Variants in XKR6 observed in about 807,000 individuals in gnomAD.
XKR6 encodes the protein XK related 6, also known as XK-related protein 6.
In XKR6, 22 loss-of-function variants were observed where a neutral mutation model predicts 56.7. The observed-to-expected ratio is 0.39, with a 90% CI of 0.28 to 0.55. The LOEUF (loss-of-function observed/expected upper bound fraction) is 0.55. Among genes scored for constraint, XKR6 ranks in the 20% least tolerant of loss-of-function variants. XKR6 has a pLI of 0.66. For synonymous variants in XKR6, 524 were observed against 387.8 expected (o/e 1.35, Z -4.13); for missense variants, 852 against 889.0 (o/e 0.96, Z 0.53).
chr8:11,137,430 C>A (rs1225068902), intron 1 of XKR6: 2 of 366,184 alleles, frequency 5.5e-6, no homozygotes, highest in Non-Finnish European at 1.1e-5. Context: ...GAAATTCTCC[C>A]TCAAACGTGG....
rs1799901389 is a variant in XKR6 at position 10,897,016 on chromosome 8, T to A, written c.*936A>T. 1 of 152,650 alleles carries A rather than the reference T, an allele frequency of 6.6e-6. No individual in the cohort carries two copies. Among genetic ancestry groups the A allele is most frequent in the African/African-American group, 2.4e-5 (1 of 41,444 alleles). The allele number at this position is 152,650 out of a possible 1,614,324, so 9.5% of individuals were successfully genotyped here. ...TTATTACTGACTATGTGTACAGAAA[T>A]CTCCTTTAATTTGCTTTAGAATATC... is the stretch of plus-strand genomic sequence containing the variant. On this transcript the variant is annotated 3_prime_UTR_variant, in exon 3 of 3. Coordinates refer to ENST00000416569, the MANE Select transcript of XKR6 (RefSeq NM_173683.4).
intron 1 of XKR6, among the ~76,000 whole-genome samples, chr8:11,111,433 T>C (rs1798885995): frequency 6.6e-6 from 1 of 152,186 alleles, no homozygotes; most frequent in African/African-American, 2.4e-5. Context: ...TTGCATATTC[T>C]AATACAGGCC....
Position 10,898,305 on chromosome 8 carries a change from C to T in XKR6, c.1573G>A (p.Asp525Asn), listed in dbSNP as rs748823161. The T allele has an allele frequency of 1.4e-5, 23 of 1,613,908 alleles. No homozygotes were observed. The highest frequency in any genetic ancestry group is 9.9e-5 in the South Asian group (9 of 91,070). Residue 525 changes from aspartate to asparagine, a missense_variant, in exon 3 of 3, where the codon GAT (aspartate) becomes AAT (asparagine). Asp to Asn is a conservative substitution (Grantham distance 23). Coordinates refer to ENST00000416569, the MANE Select transcript of XKR6 (RefSeq NM_173683.4). The surrounding 1 kb of genome is among the most constrained non-coding windows in gnomAD (Gnocchi z 6.6). ...ELLWGIPLPP[D>N]VEPMAPEIPG... ...ATCTCAGGCGCCATGGGCTCAACAT[C>T]GGGGGGCAAAGGGATGCCCCAGAGC...
At chr8:10,991,851 C>A (rs1162937941) in intron 1 of XKR6, among the ~76,000 whole-genome samples, 1 of 152,186 alleles carries the variant, frequency 6.6e-6, no homozygotes, top group South Asian at 2.1e-4. Context: ...TTGTCTCAAA[C>A]ACTGTTCTTC....
intron 1 of XKR6, among the ~76,000 whole-genome samples, chr8:10,945,432 C>T (rs569931416): frequency 1.1e-4 from 16 of 152,152 alleles, no homozygotes; most frequent in East Asian, 9.7e-4. Flanking sequence ...TGGAATGAGC[C>T]GAGATGGCGC....
At chr8:10,931,488 G>A (rs1026189732) in intron 1 of XKR6, among the ~76,000 whole-genome samples, 11 of 152,034 alleles carry the variant, frequency 7.2e-5, no homozygotes, top group Non-Finnish European at 1.3e-4. Context: ...TAAATTTGAA[G>A]AACTCACACT....
chr8:11,064,433 G>C (rs550882913), intron 1 of XKR6, among the ~76,000 whole-genome samples: 1 of 130,238 alleles, frequency 7.7e-6, no homozygotes, highest in East Asian at 2.0e-4. Context: ...ATCCGTTATC[G>C]TGCCAAGAGG....
At chr8:11,081,159 G>A (rs1184312048) in intron 1 of XKR6, among the ~76,000 whole-genome samples, 2 of 152,208 alleles carry the variant, frequency 1.3e-5, no homozygotes, top group Non-Finnish European at 2.9e-5. Context: ...TCTGAGAAAA[G>A]TAAGGATACT....
At chr8:11,025,299 C>G (rs1268761945) in intron 1 of XKR6, among the ~76,000 whole-genome samples, 1 of 152,218 alleles carries the variant, frequency 6.6e-6, no homozygotes, top group Non-Finnish European at 1.5e-5. Context: ...CTGTGCCTTT[C>G]AACACATTTT....
In XKR6 at chr8:11,027,536, C is replaced by G. The variant is rs73662678; in HGVS notation, c.765-102706G>C. The stretch of plus-strand genomic sequence containing the variant: ...ATGCTACAAAGTAGGCATTCACCCC[C>G]ATTTTACAGTCAAGCTAATTGAGGC... On this transcript the variant is annotated intron_variant, in intron 1 of 2. Transcript: ENST00000416569. Among the ~76,000 whole-genome samples, 674 of 152,324 alleles carry G rather than the reference C, an allele frequency of 4.4e-3. 10 individuals are homozygous for G. Among genetic ancestry groups the G allele is most frequent in the African/African-American group, 0.015 (630 of 41,572 alleles).
Position 11,200,498 on chromosome 8 carries a change from G to C in XKR6, c.764+78C>G, listed in dbSNP as rs1003959195. ...GCCCCCCGCGCTGGGCCCTTTCGAG[G>C]GGCCGCCCCGCGAAGCACCGGGAGG... On this transcript the variant is annotated intron_variant, in intron 1 of 2. Transcript: ENST00000416569. The surrounding 1 kb of genome is among the most constrained non-coding windows in gnomAD (Gnocchi z 6.4). 7.3e-6 allele frequency: 10 copies of C among 1,362,866 alleles called. No individual in the cohort carries two copies. The African/African-American group carries it at 1.4e-4, about 19-fold the overall frequency. 84.4% of individuals were successfully genotyped at this position (1,362,866 alleles called of 1,614,324 possible).
chr8:11,055,784 C>T (rs993102209), intron 1 of XKR6, among the ~76,000 whole-genome samples: 3 of 151,380 alleles, frequency 2.0e-5, no homozygotes, highest in South Asian at 2.1e-4. Flanking sequence ...CAGCGGGCCC[C>T]GAAGTCCACT....
chr8:10,976,858 A>C (rs555932320), intron 1 of XKR6, among the ~76,000 whole-genome samples: 3 of 152,128 alleles, frequency 2.0e-5, no homozygotes, highest in African/African-American at 7.2e-5. Flanking sequence ...CCCTGAAAGA[A>C]AACATCTGGC....
chr8:11,001,755 G>T (rs1224589916), intron 1 of XKR6, among the ~76,000 whole-genome samples: 1 of 152,208 alleles, frequency 6.6e-6, no homozygotes, highest in Non-Finnish European at 1.5e-5. Context: ...AGGACTTCCT[G>T]CCTGGCTCCT....
At chr8:11,075,266 G>T (rs1270184732) in intron 1 of XKR6, among the ~76,000 whole-genome samples, 1 of 152,224 alleles carries the variant, frequency 6.6e-6, no homozygotes, top group Non-Finnish European at 1.5e-5. Flanking sequence ...CCGGAAGTAA[G>T]CAGATGGGGC....
At chr8:11,180,834 G>C (rs930531144) in intron 1 of XKR6, among the ~76,000 whole-genome samples, 2 of 152,208 alleles carry the variant, frequency 1.3e-5, no homozygotes, top group Non-Finnish European at 2.9e-5. Flanking sequence ...ACCAGCCCAG[G>C]AGTTCAAGGC....
chr8:10,904,285 G>A (rs1401144351), intron 2 of XKR6, among the ~76,000 whole-genome samples: 3 of 152,148 alleles, frequency 2.0e-5, no homozygotes, highest in African/African-American at 7.2e-5. Context: ...TCCTGAGGCT[G>A]GGGGGCTGGG....
chr8:10,984,635 C>T (rs554227738), intron 1 of XKR6, among the ~76,000 whole-genome samples: 1 of 149,282 alleles, frequency 6.7e-6, no homozygotes, highest in East Asian at 2.0e-4. Context: ...AGCAAAAATC[C>T]ATCAGCTTTC....
At chr8:10,981,475 T>C (rs7012416) in intron 1 of XKR6, among the ~76,000 whole-genome samples, 8,784 of 152,262 alleles carry the variant, frequency 0.058, 705 homozygotes, top group African/African-American at 0.18. Flanking sequence ...ATGAAGCGTT[T>C]CCAGAAAGTT....
Sources: gnomAD v4.1 joint callset for allele counts (sites outside exome capture counted in the v4.1 genomes callset) on GRCh38, gnomAD v4.1.1 for gene constraint, Gnocchi (gnomAD v3.1) non-coding constraint, MANE v1.5 for transcripts, NCBI Gene and HGNC (gene_info 2026-07-23, HGNC 2026-07-21) for gene names.